The following CDKN2B-AS1 variants were observed in gnomAD, a reference collection of about 807,000 sequenced individuals.
CDKN2B-AS1 encodes CDKN2B antisense RNA 1 (non-protein coding).
chr9:22,085,303 A>G (rs1182264181), intron 4 of CDKN2B-AS1, among the ~76,000 whole-genome samples: 4 of 152,182 alleles, frequency 2.6e-5, no homozygotes, highest in Admixed American at 1.3e-4. Context: ...CTTACCCTCA[A>G]GGTATGCTTA....
intron 4 of CDKN2B-AS1, among the ~76,000 whole-genome samples, chr9:22,071,411 A>C (rs572126167): frequency 6.7e-6 from 1 of 149,262 alleles, no homozygotes; most frequent in South Asian, 2.1e-4. Context: ...TGAGGGCCTA[A>C]GTATACGAGT....
chr9:22,063,112 A>G (rs143318106), intron 4 of CDKN2B-AS1, among the ~76,000 whole-genome samples: 1 of 152,230 alleles, frequency 6.6e-6, no homozygotes, highest in African/African-American at 2.4e-5. Flanking sequence ...TGCTTAGGAG[A>G]GAGATGTGAA....
chr9:22,125,485 A>C (rs1306108654), intron 4 of CDKN2B-AS1, among the ~76,000 whole-genome samples: 2 of 152,226 alleles, frequency 1.3e-5, no homozygotes, highest in African/African-American at 4.8e-5. Flanking sequence ...TCCTCATACT[A>C]ACCATATGAT....
chr9:22,029,600 T>A, intron 1 of CDKN2B-AS1: 1 of 713,052 alleles, frequency 1.4e-6, no homozygotes, highest in Non-Finnish European at 2.6e-6. Context: ...TTGCTGTAAG[T>A]GCTGTTTGGG....
chr9:22,028,866 A>G (rs1043625339), intron 1 of CDKN2B-AS1, among the ~76,000 whole-genome samples: 2 of 152,184 alleles, frequency 1.3e-5, no homozygotes, highest in Non-Finnish European at 2.9e-5. Flanking sequence ...ATAAATTACT[A>G]AAGTATAATT....
chr9:22,028,063 T>G (rs1047034939), intron 1 of CDKN2B-AS1, among the ~76,000 whole-genome samples: 5 of 152,136 alleles, frequency 3.3e-5, no homozygotes, highest in African/African-American at 1.2e-4. Context: ...CATAGAGACT[T>G]GTCTGACAAA....
rs746967491 is a variant in CDKN2B-AS1, at chr9:22,107,462, C to G, written n.439-19641C>G. Among the ~76,000 whole-genome samples, 44 of 152,338 alleles carry G rather than the reference C, an allele frequency of 2.9e-4. 1 individual carries two copies. The highest frequency in any genetic ancestry group is 1.2e-3 in the South Asian group (6 of 4,828). On this transcript the variant is annotated intron_variant and non_coding_transcript_variant, in intron 4 of 4. Coordinates refer to ENST00000650946, the Ensembl canonical transcript of CDKN2B-AS1. ...GCAGCCTCCTCTGAAATGCTGGAAA[C>G]TTTCCCCACTTGAAACTCTCAGATC...
In CDKN2B-AS1 at chr9:22,126,574, C is replaced by CTTTTTTTT. The variant is rs34700018; in HGVS notation, n.439-515_439-508dup. 3.9e-4 allele frequency among the ~76,000 whole-genome samples: 41 copies of CTTTTTTTT among 104,880 alleles called. 3 individuals carry two copies. The highest frequency in any genetic ancestry group is 1.5e-3 in the African/African-American group (38 of 25,252). The allele number at this position is 104,880 out of a possible 152,430, so 68.8% of individuals were successfully genotyped here. A position where few individuals can be genotyped will look rare whatever the true frequency, so the allele number is the denominator to read the frequency against. ...TGAATGGGGATGGAGTAAGTGGATTCTTTTTTTTTTTTTTTTTTTTTGAGA... is the reference window on the plus strand; with the variant it reads ...TGAATGGGGATGGAGTAAGTGGATTCTTTTTTTTTTTTTTTTTTTTTTTTTTTTTGAGA... On this transcript the variant is annotated intron_variant and non_coding_transcript_variant, in intron 4 of 4. Transcript: ENST00000650946.
intron 1 of CDKN2B-AS1, among the ~76,000 whole-genome samples, chr9:22,007,777 CATAT>C (rs1386220838): frequency 1.3e-5 from 2 of 152,104 alleles, no homozygotes; most frequent in Non-Finnish European, 2.9e-5. Context: ...TGGTGAATTA[CATAT>C]ATAACTTGTT....
At chr9:22,022,122 G>T (rs975969732) in intron 1 of CDKN2B-AS1, among the ~76,000 whole-genome samples, 1 of 152,084 alleles carries the variant, frequency 6.6e-6, no homozygotes. Context: ...TGAGAAGAAT[G>T]TAGATTCTGT....
intron 1 of CDKN2B-AS1, among the ~76,000 whole-genome samples, chr9:22,027,441 G>A (rs1254271962): frequency 6.6e-6 from 1 of 152,092 alleles, no homozygotes; most frequent in South Asian, 2.1e-4. Context: ...CCAGGAGAAG[G>A]CGTTTATCAC....
intron 1 of CDKN2B-AS1, among the ~76,000 whole-genome samples, chr9:22,032,032 T>C (rs1158295685): frequency 4.6e-5 from 7 of 152,208 alleles, no homozygotes; most frequent in African/African-American, 1.7e-4. Context: ...AATCTTTCCC[T>C]AAGGGAGATT....
chr9:22,008,638 G>A, intron 1 of CDKN2B-AS1: 2 of 1,587,490 alleles, frequency 1.3e-6, no homozygotes, highest in Non-Finnish European at 1.7e-6. Context: ...TAGGATTTTT[G>A]CTGGGTAAAA....
chr9:22,041,307 T>A (rs1287657272), intron 1 of CDKN2B-AS1, among the ~76,000 whole-genome samples: 1 of 151,996 alleles, frequency 6.6e-6, no homozygotes, highest in South Asian at 2.1e-4. Flanking sequence ...CCTGAAGAGT[T>A]GTGTATAACA....
At chr9:22,056,414 A>G (rs1823580377) in intron 4 of CDKN2B-AS1, 1 of 151,946 alleles carries the variant, frequency 6.6e-6, no homozygotes, top group South Asian at 2.1e-4. Context: ...ATGCAAAAGA[A>G]TAATAGGAGC....
chr9:22,083,645 T>G (rs901591033), intron 4 of CDKN2B-AS1, among the ~76,000 whole-genome samples: 1 of 152,170 alleles, frequency 6.6e-6, no homozygotes, highest in Non-Finnish European at 1.5e-5. Flanking sequence ...GAACCACAGC[T>G]CGATCAGCCT....
intron 3 of CDKN2B-AS1, among the ~76,000 whole-genome samples, chr9:22,052,527 G>A (rs1036171521): frequency 4.6e-5 from 7 of 152,238 alleles, no homozygotes; most frequent in Non-Finnish European, 7.4e-5. Flanking sequence ...GGATAAGGGC[G>A]AATCTTTAAG....
chr9:22,038,803 T>C (rs1465094946), intron 1 of CDKN2B-AS1, among the ~76,000 whole-genome samples: 1 of 152,040 alleles, frequency 6.6e-6, no homozygotes, highest in Admixed American at 6.6e-5. Flanking sequence ...AGTATGCATA[T>C]GTATTCCTTT....
chr9:22,015,598 T>C (rs1821712232), intron 1 of CDKN2B-AS1, among the ~76,000 whole-genome samples: 2 of 152,160 alleles, frequency 1.3e-5, no homozygotes, highest in South Asian at 4.1e-4. Context: ...TTCATTAACA[T>C]GAATTTATTC....
Sources: gnomAD v4.1 joint callset for allele counts (sites outside exome capture counted in the v4.1 genomes callset) on GRCh38, gnomAD v4.1.1 for gene constraint, MANE v1.5 for transcripts, NCBI Gene and HGNC (gene_info 2026-07-23, HGNC 2026-07-21) for gene names.